The following CELF2 variants were observed in gnomAD, a reference collection of about 807,000 sequenced individuals.
The protein encoded by CELF2 is CUG triplet repeat RNA-binding protein 2.
In CELF2, 8 loss-of-function variants were observed where a neutral mutation model predicts 62.6. The ratio of observed to expected loss-of-function variants is 0.13; its 90% CI spans 0.07 to 0.23. The LOEUF (loss-of-function observed/expected upper bound fraction) is 0.23. Among genes scored for constraint, CELF2 ranks in the 10% least tolerant of loss-of-function variants. The pLI is 1.00. For missense variants in CELF2, 333 were observed against 671.0 expected (o/e 0.50, Z 5.56); for synonymous variants, 258 against 250.0 (o/e 1.03, Z -0.30).
chr10:11,144,534 A>C (rs1429481335), intron 1 of CELF2, among the ~76,000 whole-genome samples: 1 of 152,052 alleles, frequency 6.6e-6, no homozygotes, highest in Non-Finnish European at 1.5e-5. Flanking sequence ...GACAATGTTA[A>C]ATGAAGGAAA....
intron 2 of CELF2, among the ~76,000 whole-genome samples, chr10:10,949,826 CAAAAAAAA>C (rs35952853): frequency 7.3e-5 from 6 of 82,270 alleles, no homozygotes; most frequent in South Asian, 4.1e-4. Context: ...ACACACACAC[CAAAAAAAA>C]AAAAAAAAAA....
At chr10:10,510,534 T>C in the CELF2 span, among the ~76,000 whole-genome samples, 1 of 152,246 alleles carries the variant, frequency 6.6e-6, no homozygotes, top group Non-Finnish European at 1.5e-5. Flanking sequence ...GTAGTGGTTT[T>C]CTCATTCACT....
chr10:10,911,928 C>G (rs559120949), intron 1 of CELF2, among the ~76,000 whole-genome samples: 1 of 152,182 alleles, frequency 6.6e-6, no homozygotes, highest in Non-Finnish European at 1.5e-5. Flanking sequence ...TATCTCTTGT[C>G]GAAACCTACA....
chr10:10,879,604 A>G (rs1591484918), intron 1 of CELF2, among the ~76,000 whole-genome samples: 1 of 152,228 alleles, frequency 6.6e-6, no homozygotes, highest in African/African-American at 2.4e-5. Flanking sequence ...GCTCTCTAGG[A>G]AAATAGTCTA....
chr10:10,732,562 T>A, the CELF2 span, among the ~76,000 whole-genome samples: 5 of 149,792 alleles, frequency 3.3e-5, no homozygotes, highest in African/African-American at 4.9e-5. Context: ...CTCACTCTGT[T>A]GCCCAGGCTG....
the CELF2 span, among the ~76,000 whole-genome samples, chr10:10,776,003 C>A: frequency 3.9e-5 from 6 of 152,232 alleles, no homozygotes; most frequent in Non-Finnish European, 7.3e-5. Context: ...GTTTACAAAG[C>A]CTCTCTTCAG....
intron 2 of CELF2, among the ~76,000 whole-genome samples, chr10:10,939,682 C>T (rs1476316703): frequency 6.6e-6 from 1 of 151,536 alleles, no homozygotes; most frequent in East Asian, 2.0e-4. Context: ...AGGCCGGGCG[C>T]GGTGGCTCAT....
At chr10:10,924,479 G>T (rs2065256720) in intron 2 of CELF2, among the ~76,000 whole-genome samples, 1 of 152,066 alleles carries the variant, frequency 6.6e-6, no homozygotes, top group African/African-American at 2.4e-5. Flanking sequence ...CTTAACAGAA[G>T]TATCTTAAGT....
At chr10:10,654,326 C>G in the CELF2 span, among the ~76,000 whole-genome samples, 9 of 109,380 alleles carry the variant, frequency 8.2e-5, 1 homozygote, top group African/African-American at 3.0e-4. Flanking sequence ...TGAAACTATT[C>G]CAATCAATAG....
chr10:11,106,163 C>T (rs889137645), intron 1 of CELF2, among the ~76,000 whole-genome samples: 5 of 151,904 alleles, frequency 3.3e-5, no homozygotes, highest in Non-Finnish European at 5.9e-5. Flanking sequence ...AACATCCAAA[C>T]CCAGAACTTG....
the CELF2 span, among the ~76,000 whole-genome samples, chr10:10,478,452 GC>G: frequency 3.3e-5 from 5 of 151,984 alleles, no homozygotes; most frequent in African/African-American, 9.7e-5. Context: ...CCTCTTGATA[GC>G]ATCTGATGCA....
chr10:10,690,683 C>T, the CELF2 span, among the ~76,000 whole-genome samples: 1 of 152,096 alleles, frequency 6.6e-6, no homozygotes, highest in Non-Finnish European at 1.5e-5. Context: ...GGTTCGAGAA[C>T]AGTGTGGCCA....
intron 1 of CELF2, among the ~76,000 whole-genome samples, chr10:10,914,996 G>T (rs1428639334): frequency 6.6e-6 from 1 of 151,966 alleles, no homozygotes; most frequent in Non-Finnish European, 1.5e-5. Flanking sequence ...GCAGGGTGTG[G>T]TGGCATGTGC....
intron 1 of CELF2, among the ~76,000 whole-genome samples, chr10:10,880,905 G>T (rs2061399810): frequency 6.6e-6 from 1 of 152,142 alleles, no homozygotes; most frequent in South Asian, 2.1e-4. Flanking sequence ...AGGTAGAAAA[G>T]TCTTATGTAC....
At chr10:10,625,118 T>C in the CELF2 span, among the ~76,000 whole-genome samples, 1 of 152,090 alleles carries the variant, frequency 6.6e-6, no homozygotes, top group Admixed American at 6.5e-5. Flanking sequence ...CCCTGACTCG[T>C]TCTCAGTTTA....
intron 1 of CELF2, among the ~76,000 whole-genome samples, chr10:11,032,195 C>T (rs1362334035): frequency 1.4e-5 from 2 of 140,356 alleles, no homozygotes; most frequent in Non-Finnish European, 3.1e-5. Context: ...CCACCCACTA[C>T]ATCATGGGCT....
the CELF2 span, among the ~76,000 whole-genome samples, chr10:10,493,775 A>G: frequency 5.9e-5 from 9 of 151,722 alleles, no homozygotes; most frequent in Non-Finnish European, 4.4e-5. Flanking sequence ...CAAGTGATCC[A>G]CCCGCCTCGG....
At chr10:10,659,649 C>A in the CELF2 span, among the ~76,000 whole-genome samples, 1 of 152,144 alleles carries the variant, frequency 6.6e-6, no homozygotes, top group Non-Finnish European at 1.5e-5. Flanking sequence ...TTCAAACCAC[C>A]CTGCATACCC....
Position 11,249,221 on chromosome 10 carries a change from CT to C in CELF2, c.403+22del. 1 of 1,594,972 alleles carries C rather than the reference CT, an allele frequency of 6.3e-7. No individual in the cohort carries two copies. Among genetic ancestry groups the C allele is most frequent in the Non-Finnish European group, 8.6e-7 (1 of 1,162,628 alleles). On this transcript the variant is annotated intron_variant, in intron 4 of 12. Coordinates refer to ENST00000633077, the MANE Select transcript of CELF2 (RefSeq NM_001326342.2). ...CCAACGGTAGGTGGTAACCAACTGT[CT>C]TGCTTAATAATAATATCTGCTGCTT...
Sources: allele counts gnomAD v4.1 joint callset (sites outside exome capture counted in the v4.1 genomes callset), GRCh38; gene constraint gnomAD v4.1.1; transcripts MANE v1.5; gene names NCBI Gene and HGNC (gene_info 2026-07-23, HGNC 2026-07-21).